The following DSE variants were observed in gnomAD, a reference collection of about 807,000 sequenced individuals.
DSE encodes the protein dermatan sulfate epimerase, also known as dermatan-sulfate epimerase.
DSE carries 36 observed loss-of-function variants against 84.4 expected under a neutral mutation model. The observed-to-expected ratio is 0.43, with a 90% CI of 0.33 to 0.56. DSE has a LOEUF of 0.56. DSE is among the 20% of genes least tolerant of loss of function. The pLI is 0.06. For missense variants in DSE, 862 were observed against 1,169.6 expected, an observed-to-expected ratio of 0.74 and a Z score of 3.84; for synonymous variants, 410 against 430.1, an observed-to-expected ratio of 0.95 and a Z score of 0.58.
At chr6:116,342,478 A>T (rs1777670434) in intron 2 of DSE, among the ~76,000 whole-genome samples, 1 of 151,652 alleles carries the variant, frequency 6.6e-6, no homozygotes. Context: ...GATGGGTTTC[A>T]CCATGTTGGC....
intron 2 of DSE, among the ~76,000 whole-genome samples, chr6:116,404,155 G>A (rs1360683233): frequency 6.6e-6 from 1 of 152,120 alleles, no homozygotes; most frequent in African/African-American, 2.4e-5. Context: ...GTTGCTATGA[G>A]CTTAACATTA....
chr6:116,289,698 C>A (rs1194680083), intron 2 of DSE, among the ~76,000 whole-genome samples: 1 of 151,970 alleles, frequency 6.6e-6, no homozygotes, highest in Non-Finnish European at 1.5e-5. Flanking sequence ...TCATCAAGGT[C>A]ATTTACTACT....
At position 116,292,592 on chromosome 6, in the gene DSE, G is replaced by A. The variant is rs1223432654; in HGVS notation, c.-54+33625G>A. Among the ~76,000 whole-genome samples the A allele has an allele frequency of 3.3e-5, 5 of 152,102 alleles. No homozygotes were observed. In the East Asian group the frequency reaches 9.6e-4, roughly 29 times the overall value. On this transcript the variant is annotated intron_variant, in intron 2 of 3. Coordinates refer to the DSE transcript ENST00000430252. ...TCAAGGAGATGCAGGGTTGAGGGAA[G>A]AATGTTTGTAGGGAGCAGCATTGTT...
chr6:116,268,095 T>C (rs2114609887), intron 2 of DSE, among the ~76,000 whole-genome samples: 1 of 152,324 alleles, frequency 6.6e-6, no homozygotes, highest in South Asian at 2.1e-4. Flanking sequence ...TACCACTCAC[T>C]CACTGACTCA....
intron 2 of DSE, among the ~76,000 whole-genome samples, chr6:116,409,406 AG>A (rs1467239824): frequency 2.0e-5 from 3 of 152,028 alleles, no homozygotes; most frequent in African/African-American, 7.2e-5. Flanking sequence ...CCTCCCGAGT[AG>A]GCTCGGACTA....
chr6:116,367,116 G>C (rs1215806857), upstream of DSE: 1 of 152,298 alleles, frequency 6.6e-6, no homozygotes, highest in African/African-American at 2.4e-5. Flanking sequence ...GGCAGGGAGG[G>C]AGGCCTGAGC....
chr6:116,322,280 G>A (rs983976813), intron 2 of DSE, among the ~76,000 whole-genome samples: 8 of 152,114 alleles, frequency 5.3e-5, no homozygotes, highest in Non-Finnish European at 1.5e-5. Flanking sequence ...AGGGTGTGGC[G>A]CCGGGCTGTC....
intron 2 of DSE, among the ~76,000 whole-genome samples, chr6:116,283,134 A>G (rs1773649490): frequency 6.6e-6 from 1 of 152,212 alleles, no homozygotes; most frequent in African/African-American, 2.4e-5. Flanking sequence ...ACTTACCAAA[A>G]ACCTGTCTTG....
rs1443296583 is a variant in DSE at position 116,440,118 on chromosome 6, TTTAA to T, written c.*2776_*2779del. 2.0e-5 allele frequency: 3 copies of T among 152,168 alleles called. No individual in the cohort carries two copies. Among genetic ancestry groups the T allele is most frequent in the Admixed American group, 2.0e-4 (3 of 15,268 alleles). 9.4% of individuals were successfully genotyped at this position (152,168 alleles called of 1,614,324 possible). On this transcript the variant is annotated 3_prime_UTR_variant, in exon 6 of 6. Transcript: ENST00000644252. ...GTGGAAGACCGTGTTCTGGAACTAT[TTTAA>T]TTGTTAAAATGTATCACCTAAGATA...
At chr6:116,395,433 A>G (rs977077449) in intron 1 of DSE, among the ~76,000 whole-genome samples, 1 of 146,968 alleles carries the variant, frequency 6.8e-6, no homozygotes, top group African/African-American at 2.5e-5. Flanking sequence ...TAAAAAATAA[A>G]GAAAGTGGGA....
intron 2 of DSE, among the ~76,000 whole-genome samples, chr6:116,276,060 ATTATG>A (rs1410328387): frequency 6.6e-6 from 1 of 152,182 alleles, no homozygotes; most frequent in South Asian, 2.1e-4. Flanking sequence ...GTAATGAATA[ATTATG>A]TTAATTTTCT....
chr6:116,395,214 A>AAGAGAGC (rs151041009), intron 1 of DSE, among the ~76,000 whole-genome samples: 5,567 of 151,828 alleles, frequency 0.037, 300 homozygotes, highest in African/African-American at 0.12. Context: ...TCACGAGGTC[A>AAGAGAGC]AGAGAGCGAG....
intron 3 of DSE, 117 bp from the exon 4 acceptor site, chr6:116,430,837 A>G: frequency 7.0e-7 from 1 of 1,430,208 alleles, no homozygotes; most frequent in South Asian, 1.4e-5. Flanking sequence ...GGAGTTTTAC[A>G]AAACGCGATT....
At chr6:116,324,621 A>G (rs1776518655) in intron 2 of DSE, among the ~76,000 whole-genome samples, 1 of 152,200 alleles carries the variant, frequency 6.6e-6, no homozygotes, top group Non-Finnish European at 1.5e-5. Context: ...TATGTAAAAT[A>G]CAAAGAGAGC....
At chr6:116,280,962 C>T (rs1773492000) in intron 2 of DSE, among the ~76,000 whole-genome samples, 2 of 152,202 alleles carry the variant, frequency 1.3e-5, no homozygotes, top group South Asian at 4.1e-4. Context: ...CCTGATGGCC[C>T]TCAAAGATGT....
intron 2 of DSE, chr6:116,279,761 C>T (rs1373017363): frequency 1.2e-6 from 2 of 1,612,480 alleles, no homozygotes; most frequent in African/African-American, 1.3e-5. Flanking sequence ...TCGCTCGGGA[C>T]TTGGTCAGAA....
intron 2 of DSE, among the ~76,000 whole-genome samples, chr6:116,316,829 T>C (rs142686690): frequency 0.012 from 1,329 of 110,078 alleles, 20 homozygotes; most frequent in South Asian, 0.076. Flanking sequence ...ACTACTACTA[T>C]TATTATTATT....
At chr6:116,300,654 A>G (rs1774982843) in intron 2 of DSE, among the ~76,000 whole-genome samples, 1 of 152,222 alleles carries the variant, frequency 6.6e-6, no homozygotes, top group African/African-American at 2.4e-5. Flanking sequence ...TTGCTAAGTT[A>G]CCAGTGCTAG....
chr6:116,422,781 C>T (rs1783176235), intron 2 of DSE, among the ~76,000 whole-genome samples: 1 of 152,192 alleles, frequency 6.6e-6, no homozygotes, highest in East Asian at 1.9e-4. Context: ...AAGGTTACAG[C>T]AGTTTTACTT....
Sources: allele counts gnomAD v4.1 joint callset (sites outside exome capture counted in the v4.1 genomes callset), GRCh38; gene constraint gnomAD v4.1.1; transcripts MANE v1.5; gene names NCBI Gene and HGNC (gene_info 2026-07-23, HGNC 2026-07-21).